The following ARHGAP28 variants were observed in gnomAD, a reference collection of about 807,000 sequenced individuals.
The protein encoded by ARHGAP28 is Rho GTPase activating protein 28.
In ARHGAP28, 56 loss-of-function variants were observed where a neutral mutation model predicts 90.7. The ratio of observed to expected loss-of-function variants is 0.62; its 90% CI spans 0.50 to 0.77. The LOEUF (loss-of-function observed/expected upper bound fraction) is 0.77. Ranked by LOEUF, ARHGAP28 falls within the 30% of genes least tolerant of loss-of-function variation. The pLI is 0.00. For synonymous variants in ARHGAP28, 308 were observed against 323.3 expected (o/e 0.95, Z 0.51); for missense variants, 869 against 900.9 (o/e 0.96, Z 0.45).
intron 7 of ARHGAP28, among the ~76,000 whole-genome samples, chr18:6,872,263 G>T (rs995644725): frequency 3.3e-5 from 5 of 152,180 alleles, no homozygotes; most frequent in Non-Finnish European, 5.9e-5. Flanking sequence ...GTCAATAAGC[G>T]ATTGCAGTTT....
At chr18:6,764,900 T>C (rs1008214399) in intron 1 of ARHGAP28, among the ~76,000 whole-genome samples, 3 of 152,180 alleles carry the variant, frequency 2.0e-5, no homozygotes, top group Non-Finnish European at 4.4e-5. Flanking sequence ...CAAAAAGGCC[T>C]GTACTATTGA....
At chr18:6,864,783 C>G (rs1296654005) in intron 5 of ARHGAP28, among the ~76,000 whole-genome samples, 1 of 152,122 alleles carries the variant, frequency 6.6e-6, no homozygotes, top group Non-Finnish European at 1.5e-5. Context: ...TGACTGGGTT[C>G]AAGCTGTTGG....
intron 1 of ARHGAP28, among the ~76,000 whole-genome samples, chr18:6,744,155 A>C (rs1201233114): frequency 6.6e-6 from 1 of 152,238 alleles, no homozygotes; most frequent in Non-Finnish European, 1.5e-5. Context: ...AGCTCAATTA[A>C]ATCTAAAGAG....
chr18:6,836,782 A>T (rs1406066200), intron 2 of ARHGAP28, among the ~76,000 whole-genome samples: 1 of 152,188 alleles, frequency 6.6e-6, no homozygotes, highest in Non-Finnish European at 1.5e-5. Context: ...AAGACTTAGG[A>T]ATCAGGCAGC....
chr18:6,879,666 C>T (rs144706474), intron 10 of ARHGAP28, among the ~76,000 whole-genome samples: 2 of 152,340 alleles, frequency 1.3e-5, no homozygotes, highest in Non-Finnish European at 2.9e-5. Flanking sequence ...ACGCCGCATA[C>T]GCGTGGGATT....
chr18:6,858,838 T>C (rs1447215792), intron 4 of ARHGAP28, among the ~76,000 whole-genome samples: 1 of 151,842 alleles, frequency 6.6e-6, no homozygotes, highest in African/African-American at 2.4e-5. Flanking sequence ...TTAAATTTCT[T>C]GTACTAGTTC....
chr18:6,862,647 T>G lies in ARHGAP28; in HGVS notation c.726+2750T>G, dbSNP rs74714777. 0.021 allele frequency among the ~76,000 whole-genome samples: 3,201 copies of G among 152,270 alleles called. 243 individuals carry two copies. In the East Asian group the frequency reaches 0.28, roughly 13 times the overall value. ...TTTCCTTTGGCCCTTCTTAGAAATT[T>G]TTTCTTCCAGATGAACATAGAAAAA... On this transcript the variant is annotated intron_variant, in intron 5 of 17. Coordinates refer to ENST00000383472, the MANE Select transcript of ARHGAP28 (RefSeq NM_001366230.1).
intron 7 of ARHGAP28, 52 bp from the exon 8 acceptor site, chr18:6,873,357 A>G: frequency 3.3e-6 from 5 of 1,524,768 alleles, no homozygotes; most frequent in Non-Finnish European, 4.5e-6. Flanking sequence ...GAGTGAACGC[A>G]TAATAATTTT....
rs549496599 is a variant in ARHGAP28 at position 6,731,243 on chromosome 18, C to T, written c.122+1300C>T. Reference sequence around the variant, plus strand: ...TTTCTTTTCTAAACATAATTATTGGCTGTAAGTACTCAGATTATGACTAAC... The same window carrying T: ...TTTCTTTTCTAAACATAATTATTGGTTGTAAGTACTCAGATTATGACTAAC... On this transcript the variant is annotated intron_variant, in intron 1 of 17. Transcript: ENST00000383472. 2.4e-4 allele frequency among the ~76,000 whole-genome samples: 37 copies of T among 152,104 alleles called. No individual in the cohort carries two copies. The South Asian group carries it at 4.8e-3, about 20-fold the overall frequency.
chr18:6,760,438 G>T (rs11081268), intron 1 of ARHGAP28, among the ~76,000 whole-genome samples: 95,380 of 151,986 alleles, frequency 0.63, 31,046 homozygotes, highest in Middle Eastern at 0.72. Context: ...TTATACAGTA[G>T]AGTATAATGG....
At chr18:6,767,436 A>C (rs183946668) in intron 1 of ARHGAP28, among the ~76,000 whole-genome samples, 41 of 152,210 alleles carry the variant, frequency 2.7e-4, no homozygotes, top group African/African-American at 9.1e-4. Context: ...TAGAGGTCCA[A>C]GTTTCCATCT....
intron 1 of ARHGAP28, among the ~76,000 whole-genome samples, chr18:6,819,713 G>A (rs945468721): frequency 6.6e-6 from 1 of 152,234 alleles, no homozygotes; most frequent in Non-Finnish European, 1.5e-5. Flanking sequence ...GGACCAGGCT[G>A]TAAAGCAGAG....
At chr18:6,868,283 G>C in intron 6 of ARHGAP28, 49 bp downstream of exon 6, 1 of 1,512,194 alleles carries the variant, frequency 6.6e-7, no homozygotes, top group Non-Finnish European at 9.2e-7. Context: ...TCTCGCTTTT[G>C]TTCTGGCACT....
rs1391837620 is a variant in ARHGAP28, at chr18:6,913,952, A to G, written c.*1798A>G. The G allele has an allele frequency of 6.6e-6, 1 of 152,210 alleles. No individual in the cohort carries two copies. The highest frequency in any genetic ancestry group is 1.5e-5 in the Non-Finnish European group (1 of 68,026). The allele number at this position is 152,210 out of a possible 1,614,324, so 9.4% of individuals were successfully genotyped here. The stretch of plus-strand genomic sequence containing the variant: ...ATGTAATTGCCACATCCCAAGATGT[A>G]AAACGGCAGTAATTTATGACCACGT... On this transcript the variant is annotated 3_prime_UTR_variant, in exon 18 of 18. Transcript: ENST00000383472.
chr18:6,813,997 A>G (rs2056574040), intron 1 of ARHGAP28, among the ~76,000 whole-genome samples: 1 of 152,100 alleles, frequency 6.6e-6, no homozygotes, highest in Non-Finnish European at 1.5e-5. Context: ...CAGCCTTCTC[A>G]AAGTCAGCCA....
chr18:6,789,661 T>C (rs2056391764), intron 1 of ARHGAP28: 1 of 152,196 alleles, frequency 6.6e-6, no homozygotes, highest in Non-Finnish European at 1.5e-5. Flanking sequence ...TTTCCCTGAA[T>C]GTTTTACCTA....
chr18:6,859,408 T>C (rs1354672993), intron 4 of ARHGAP28, among the ~76,000 whole-genome samples: 6 of 152,198 alleles, frequency 3.9e-5, no homozygotes, highest in Admixed American at 3.9e-4. Context: ...CATGAGCATG[T>C]ATCAAATGAA....
chr18:6,842,786 C>T lies in ARHGAP28; in HGVS notation c.543+5372C>T, dbSNP rs182729810. Among the ~76,000 whole-genome samples, 540 of 152,158 alleles carry T rather than the reference C, an allele frequency of 3.5e-3. 5 individuals are homozygous for T. Among genetic ancestry groups the T allele is most frequent in the Non-Finnish European group, 5.1e-3 (349 of 68,016 alleles). ...GGTGAAGTGTGTTTACTGTCATCCTCCACTTAAGACACATACATACGGGAT... is the reference window on the plus strand; with the variant it reads ...GGTGAAGTGTGTTTACTGTCATCCTTCACTTAAGACACATACATACGGGAT... On this transcript the variant is annotated intron_variant, in intron 3 of 17. Transcript: ENST00000383472.
chr18:6,913,568 G>C lies in ARHGAP28; in HGVS notation c.*1414G>C, dbSNP rs543560354. 6.6e-6 allele frequency: 1 copy of C among 152,014 alleles called. No individual in the cohort carries two copies. The highest frequency in any genetic ancestry group is 1.5e-5 in the Non-Finnish European group (1 of 68,014). 9.4% of individuals were successfully genotyped at this position (152,014 alleles called of 1,614,324 possible). ...CAGAAAACATCTTTTTGTCTACTTC[G>C]CAAGTCTCAAAACGTGATAATATTT... On this transcript the variant is annotated 3_prime_UTR_variant, in exon 18 of 18. Coordinates refer to ENST00000383472, the MANE Select transcript of ARHGAP28 (RefSeq NM_001366230.1).
Sources: allele counts gnomAD v4.1 joint callset (sites outside exome capture counted in the v4.1 genomes callset), GRCh38; gene constraint gnomAD v4.1.1; transcripts MANE v1.5; gene names NCBI Gene and HGNC (gene_info 2026-07-23, HGNC 2026-07-21).